The following FRS2 variants were observed in gnomAD, a reference collection of about 807,000 sequenced individuals.
FRS2 encodes FGFR signalling adaptor.
A neutral mutation model predicts 43.9 loss-of-function variants in FRS2; 8 were observed. The ratio of observed to expected loss-of-function variants is 0.18; its 90% CI spans 0.11 to 0.33. The LOEUF is 0.33. Ranked by LOEUF, FRS2 falls within the 10% of genes least tolerant of loss-of-function variation. The pLI is 1.00. For synonymous variants in FRS2, 219 were observed against 220.3 expected, an observed-to-expected ratio of 0.99 and a Z score of 0.05; for missense variants, 534 against 627.6, an observed-to-expected ratio of 0.85 and a Z score of 1.59.
At chr12:69,555,605 G>GT (rs1224323059) in intron 3 of FRS2, among the ~76,000 whole-genome samples, 1 of 152,296 alleles carries the variant, frequency 6.6e-6, no homozygotes, top group East Asian at 1.9e-4. Flanking sequence ...CAACCAGAAA[G>GT]TATTTGTGGG....
rs76593318 is a variant in FRS2 at position 69,575,231 on chromosome 12, AT to A, written c.*281del. 16 of 381,228 alleles carry A rather than the reference AT, an allele frequency of 4.2e-5. No homozygotes were observed. In the East Asian group the frequency reaches 6.9e-4, roughly 17 times the overall value. The allele number at this position is 381,228 out of a possible 1,614,324, so 23.6% of individuals were successfully genotyped here. A position where few individuals can be genotyped will look rare whatever the true frequency, so the allele number is the denominator to read the frequency against. On this transcript the variant is annotated 3_prime_UTR_variant, in exon 9 of 9. Transcript: ENST00000549921. ...GTTGAAGTAAATGACATGCTGGTTG[AT>A]TTTTATCAATATTCTGGACTTAACG...
chr12:69,505,543 A>G (rs1252928986), intron 1 of FRS2, among the ~76,000 whole-genome samples: 1 of 152,238 alleles, frequency 6.6e-6, no homozygotes, highest in African/African-American at 2.4e-5. Context: ...TCTTACATCT[A>G]AAAAAGAATA....
intron 3 of FRS2, chr12:69,538,017 GAT>G (rs1426399364): frequency 6.6e-6 from 1 of 152,282 alleles, no homozygotes; most frequent in African/African-American, 2.4e-5. Flanking sequence ...GTACTTTGTG[GAT>G]TTTGGGATTT....
chr12:69,523,936 G>C (rs1351923248), intron 1 of FRS2, among the ~76,000 whole-genome samples: 2 of 152,250 alleles, frequency 1.3e-5, no homozygotes, highest in African/African-American at 2.4e-5. Context: ...ATAGCAGCAG[G>C]CTTGGTCCTT....
chr12:69,566,977 C>T (rs1479466118), intron 4 of FRS2, among the ~76,000 whole-genome samples: 3 of 152,154 alleles, frequency 2.0e-5, no homozygotes, highest in Non-Finnish European at 4.4e-5. Context: ...TGACTTTTGT[C>T]TGTCTCAGGT....
intron 1 of FRS2, among the ~76,000 whole-genome samples, chr12:69,473,606 G>C (rs558995961): frequency 1.3e-5 from 2 of 152,172 alleles, no homozygotes; most frequent in Non-Finnish European, 2.9e-5. Context: ...GCTTTTAGAA[G>C]TTTGACATTT....
rs1408079026 is a variant in FRS2, at chr12:69,572,144, C to A, written c.439C>A (p.Pro147Thr). ...TCCAGGATTTGCTGCTCAGAACTTA[C>A]CTAATGGATATCCCCGATATCCCTC... ...TTPGFAAQNL[P>T]NGYPRYPSFG... is the part of the protein sequence containing the mutation. Residue 147 changes from proline (P) to threonine (T), a missense_variant, in exon 8 of 9, where the codon CCT (proline) becomes ACT (threonine). Coordinates refer to ENST00000549921, the MANE Select transcript of FRS2 (RefSeq NM_001278356.2). 1 of 1,613,756 alleles carries A rather than the reference C, an allele frequency of 6.2e-7. No homozygotes were observed.
intron 1 of FRS2, among the ~76,000 whole-genome samples, chr12:69,489,632 T>C (rs1872275158): frequency 6.8e-6 from 1 of 147,816 alleles, no homozygotes; most frequent in African/African-American, 2.5e-5. Context: ...ACCATGCCAC[T>C]GCACTCCAGC....
At chr12:69,536,154 T>C (rs1339831890) in intron 3 of FRS2, among the ~76,000 whole-genome samples, 1 of 121,864 alleles carries the variant, frequency 8.2e-6, no homozygotes, top group African/African-American at 3.2e-5. Flanking sequence ...AGACGAAGTC[T>C]TACTCTGTTA....
chr12:69,478,381 A>G (rs988438912), intron 1 of FRS2, among the ~76,000 whole-genome samples: 2 of 152,140 alleles, frequency 1.3e-5, no homozygotes, highest in Non-Finnish European at 2.9e-5. Flanking sequence ...ATCTAGTGTT[A>G]TAGGAGAACT....
At chr12:69,556,012 G>GC (rs796616658) in intron 3 of FRS2, among the ~76,000 whole-genome samples, 3 of 141,614 alleles carry the variant, frequency 2.1e-5, no homozygotes, top group Non-Finnish European at 4.6e-5. Context: ...GTGTGGCGGG[G>GC]GGGGGGGCGG....
At chr12:69,557,626 G>GCGCGCA (rs1555192570) in intron 3 of FRS2, among the ~76,000 whole-genome samples, 10 of 142,350 alleles carry the variant, frequency 7.0e-5, no homozygotes, top group East Asian at 2.1e-4. Flanking sequence ...GTGTGCGCGC[G>GCGCGCA]CGCGCGCGCG....
intron 1 of FRS2, among the ~76,000 whole-genome samples, chr12:69,488,882 A>T (rs1169413557): frequency 6.6e-6 from 1 of 152,214 alleles, no homozygotes; most frequent in Non-Finnish European, 1.5e-5. Flanking sequence ...GGGTAGGGAC[A>T]TGTTAAGAAA....
chr12:69,498,904 C>G (rs955750636), intron 1 of FRS2, among the ~76,000 whole-genome samples: 2 of 152,102 alleles, frequency 1.3e-5, no homozygotes, highest in Non-Finnish European at 2.9e-5. Flanking sequence ...TATTATGTAC[C>G]AGTCCCTTCA....
chr12:69,534,228 A>G (rs1230613073), intron 3 of FRS2, among the ~76,000 whole-genome samples: 4 of 152,216 alleles, frequency 2.6e-5, no homozygotes, highest in African/African-American at 9.7e-5. Flanking sequence ...GTTGAACGTA[A>G]TACACAAAAA....
At chr12:69,500,807 T>G (rs1873368890) in intron 1 of FRS2, among the ~76,000 whole-genome samples, 1 of 152,340 alleles carries the variant, frequency 6.6e-6, no homozygotes, top group South Asian at 2.1e-4. Flanking sequence ...GTGAGTCATA[T>G]ACAAAGGTAT....
At chr12:69,556,313 CT>C (rs1879347621) in intron 3 of FRS2, among the ~76,000 whole-genome samples, 1 of 151,296 alleles carries the variant, frequency 6.6e-6, no homozygotes, top group Admixed American at 6.6e-5. Context: ...TGAAAAATAT[CT>C]TTTAATTTAC....
chr12:69,530,250 T>C (rs1226205684), intron 1 of FRS2, among the ~76,000 whole-genome samples: 3 of 151,920 alleles, frequency 2.0e-5, no homozygotes, highest in African/African-American at 7.3e-5. Context: ...GAATGTACTA[T>C]ATTAGGGCTA....
Position 69,568,360 on chromosome 12 carries a change from GCCAAGC to G in FRS2, c.-26-643_-26-638del, listed in dbSNP as rs1880466600. ...ATGAGTAACAACAGTCAAAATACCT[GCCAAGC>G]CAGAAGTTCACCATCCCTTTGGTGA... On this transcript the variant is annotated intron_variant, in intron 4 of 8. Coordinates refer to ENST00000549921, the MANE Select transcript of FRS2 (RefSeq NM_001278356.2). Among the ~76,000 whole-genome samples, 5 of 152,158 alleles carry G rather than the reference GCCAAGC, an allele frequency of 3.3e-5. No homozygotes were observed. In the South Asian group the frequency reaches 1.0e-3, roughly 32 times the overall value.
Sources: gnomAD v4.1 joint callset for allele counts (sites outside exome capture counted in the v4.1 genomes callset) on GRCh38, gnomAD v4.1.1 for gene constraint, MANE v1.5 for transcripts, NCBI Gene and HGNC (gene_info 2026-07-23, HGNC 2026-07-21) for gene names.